EPB41L4B: variants seen among roughly 807,000 people sequenced by gnomAD.
The protein encoded by EPB41L4B is erythrocyte membrane protein band 4.1 like 4B.
Under a neutral mutation model 112.5 loss-of-function variants are expected in EPB41L4B, and 30 were observed. That is an observed-to-expected ratio of 0.27 (90% CI 0.20 to 0.36). The LOEUF is 0.36. Among genes scored for constraint, EPB41L4B ranks in the 10% least tolerant of loss-of-function variants. The probability of loss-of-function intolerance (pLI) is 1.00; values close to 1 mark genes in which losing one functional copy is unlikely to be tolerated. For synonymous variants in EPB41L4B, 408 were observed against 439.7 expected, an observed-to-expected ratio of 0.93 and a Z score of 0.90; for missense variants, 1,024 against 1,133.3, an observed-to-expected ratio of 0.90 and a Z score of 1.38.
In EPB41L4B at chr9:109,237,410, C is replaced by T. The variant is rs562823908; in HGVS notation, c.1409+6208G>A. ...TGAATAGATGATAAACCAGTACATA[C>T]CCGAGTTCCAAAATGTAAAAGTTAA... is the stretch of plus-strand genomic sequence containing the variant. On this transcript the variant is annotated intron_variant, in intron 15 of 25. Transcript: ENST00000374566. Among the ~76,000 whole-genome samples, 7 of 152,282 alleles carry T rather than the reference C, an allele frequency of 4.6e-5. No individual in the cohort carries two copies. The East Asian group carries it at 1.2e-3, about 25-fold the overall frequency.
chr9:109,197,198 G>A (rs373782091), intron 20 of EPB41L4B, among the ~76,000 whole-genome samples: 2 of 152,132 alleles, frequency 1.3e-5, no homozygotes, highest in Non-Finnish European at 2.9e-5. Context: ...TGAAGCGGGC[G>A]GATCACCTGA....
chr9:109,187,302 A>G (rs1832303142), intron 22 of EPB41L4B, among the ~76,000 whole-genome samples: 1 of 152,114 alleles, frequency 6.6e-6, no homozygotes, highest in South Asian at 2.1e-4. Flanking sequence ...CCTCTTTACA[A>G]TTGTGCAGTC....
chr9:109,307,009 G>A lies in EPB41L4B; in HGVS notation c.306+13132C>T, dbSNP rs1049340699. 6.4e-4 allele frequency among the ~76,000 whole-genome samples: 88 copies of A among 138,228 alleles called. 1 individual carries two copies. The highest frequency in any genetic ancestry group is 8.9e-4 in the Non-Finnish European group (58 of 65,262). The allele number at this position is 138,228 out of a possible 152,430, so 90.7% of individuals were successfully genotyped here. On this transcript the variant is annotated intron_variant, in intron 1 of 25. Transcript: ENST00000374566. ...GGGCCTTACAGACACTAGATGTGCT[G>A]CAGTTGTTTTTTTTTTTTTTTTTTT...
chr9:109,269,349 T>A (rs1239096934), intron 2 of EPB41L4B, among the ~76,000 whole-genome samples: 1 of 152,238 alleles, frequency 6.6e-6, no homozygotes, highest in Non-Finnish European at 1.5e-5. Flanking sequence ...GCTTCAGTCT[T>A]ATCTGAGGAG....
chr9:109,228,684 C>T (rs1452267479), intron 15 of EPB41L4B, among the ~76,000 whole-genome samples: 1 of 152,182 alleles, frequency 6.6e-6, no homozygotes, highest in Non-Finnish European at 1.5e-5. Context: ...GCCTGTTAGT[C>T]TCACATACCA....
At chr9:109,268,102 G>GTA (rs1835471244) in intron 3 of EPB41L4B, among the ~76,000 whole-genome samples, 1 of 152,148 alleles carries the variant, frequency 6.6e-6, no homozygotes, top group African/African-American at 2.4e-5. Flanking sequence ...AGATATAATA[G>GTA]GTATAAAGCT....
intron 24 of EPB41L4B, among the ~76,000 whole-genome samples, chr9:109,177,358 G>A (rs1220401708): frequency 2.6e-5 from 4 of 152,136 alleles, no homozygotes; most frequent in African/African-American, 4.8e-5. Flanking sequence ...CCAACAATAC[G>A]TGTTTCAACA....
chr9:109,176,643 C>G lies in EPB41L4B; in HGVS notation c.2541G>C (p.Leu847=). ...AAGGCCTCAGGGTCGCTGCTGGGATCAGCGGGGAAGTCGGGCCAGGACAGC... is the reference window on the plus strand; with the variant it reads ...AAGGCCTCAGGGTCGCTGCTGGGATGAGCGGGGAAGTCGGGCCAGGACAGC... ...LQCCPGPTSP[L]IPAATLRPLT... is the part of the protein sequence containing the mutation. The change falls in exon 25 of 26, where the codon CTG becomes CTC. Residue 847 remains leucine, a synonymous_variant. Coordinates refer to ENST00000374566, the MANE Select transcript of EPB41L4B (RefSeq NM_019114.5). The G allele has an allele frequency of 6.2e-7, 1 of 1,614,038 alleles. No homozygotes were observed. The highest frequency in any genetic ancestry group is 8.5e-7 in the Non-Finnish European group (1 of 1,179,988).
Position 109,268,450 on chromosome 9 carries a change from A to T in EPB41L4B, c.412-17T>A. ...CAGCCAGTGCTGAAAGAAAGAAAAA[A>T]AGTTTCTTTAGGAATAGTTCATCAG... On this transcript the variant is annotated splice_polypyrimidine_tract_variant and intron_variant, in intron 2 of 25. Coordinates refer to ENST00000374566, the MANE Select transcript of EPB41L4B (RefSeq NM_019114.5). 1 of 1,604,748 alleles carries T rather than the reference A, an allele frequency of 6.2e-7. No homozygotes were observed. Among genetic ancestry groups the T allele is most frequent in the Non-Finnish European group, 8.5e-7 (1 of 1,177,936 alleles).
chr9:109,174,687 T>A, intron 25 of EPB41L4B, 64 bp from the exon 26 acceptor site: 1 of 1,389,640 alleles, frequency 7.2e-7, no homozygotes, highest in Non-Finnish European at 1.0e-6. Context: ...GCAGACAGCT[T>A]AAGTATCATC....
intron 1 of EPB41L4B, among the ~76,000 whole-genome samples, chr9:109,301,598 A>T (rs990758920): frequency 6.6e-6 from 1 of 152,350 alleles, no homozygotes; most frequent in Admixed American, 6.5e-5. Flanking sequence ...AGCTGCGTGT[A>T]CATGGAATCA....
intron 7 of EPB41L4B, among the ~76,000 whole-genome samples, chr9:109,256,855 T>C (rs1835001903): frequency 6.6e-6 from 1 of 152,140 alleles, no homozygotes; most frequent in Non-Finnish European, 1.5e-5. Flanking sequence ...GGAAGGAGAA[T>C]CACTTAAACC....
chr9:109,314,148 G>A (rs1390087881), intron 1 of EPB41L4B, among the ~76,000 whole-genome samples: 2 of 152,188 alleles, frequency 1.3e-5, no homozygotes, highest in Non-Finnish European at 2.9e-5. Context: ...GAAGGCTCCA[G>A]GCAGGGCAGA....
At chr9:109,227,636 C>A (rs1340014885) in intron 15 of EPB41L4B, among the ~76,000 whole-genome samples, 1 of 151,750 alleles carries the variant, frequency 6.6e-6, no homozygotes, top group Non-Finnish European at 1.5e-5. Flanking sequence ...GGCTGGGGTG[C>A]AGTGGCGTGA....
At chr9:109,298,680 T>C (rs181295047) in intron 1 of EPB41L4B, among the ~76,000 whole-genome samples, 1 of 152,166 alleles carries the variant, frequency 6.6e-6, no homozygotes, top group Non-Finnish European at 1.5e-5. Flanking sequence ...TATGATGAAA[T>C]ATTACTTTAG....
At chr9:109,265,571 C>CACAA (rs71372558) in intron 4 of EPB41L4B, among the ~76,000 whole-genome samples, 3 of 151,096 alleles carry the variant, frequency 2.0e-5, no homozygotes, top group African/African-American at 7.4e-5. Flanking sequence ...CACACACACA[C>CACAA]GAAACAAGAA....
chr9:109,285,848 C>T (rs1168380823), intron 1 of EPB41L4B, among the ~76,000 whole-genome samples: 2 of 152,170 alleles, frequency 1.3e-5, no homozygotes, highest in African/African-American at 2.4e-5. Context: ...CCAAACATTC[C>T]GTCTTTCAGG....
chr9:109,296,485 AT>A (rs1836733625), intron 1 of EPB41L4B, among the ~76,000 whole-genome samples: 1 of 152,164 alleles, frequency 6.6e-6, no homozygotes, highest in African/African-American at 2.4e-5. Flanking sequence ...TGTTAAAAGG[AT>A]TATATGAAAT....
intron 2 of EPB41L4B, among the ~76,000 whole-genome samples, chr9:109,268,853 C>A (rs10816796): frequency 6.4e-4 from 93 of 146,276 alleles, no homozygotes; most frequent in African/African-American, 2.3e-3. Flanking sequence ...GTCGAGATCG[C>A]GCCACTGCAC....
Sources: allele counts gnomAD v4.1 joint callset (sites outside exome capture counted in the v4.1 genomes callset), GRCh38; gene constraint gnomAD v4.1.1; transcripts MANE v1.5; gene names NCBI Gene and HGNC (gene_info 2026-07-23, HGNC 2026-07-21).